The following DNAJB14 variants were observed in gnomAD, a reference collection of about 807,000 sequenced individuals.
The protein encoded by DNAJB14 is dnaJ homolog subfamily B member 14.
In DNAJB14, 22 loss-of-function variants were observed where a neutral mutation model predicts 48.4. The ratio of observed to expected loss-of-function variants is 0.45; its 90% CI spans 0.32 to 0.65. The LOEUF is 0.65. Among genes scored for constraint, DNAJB14 ranks in the 30% least tolerant of loss-of-function variants. The pLI is 0.03. For missense variants in DNAJB14, 319 were observed against 458.8 expected, an observed-to-expected ratio of 0.70 and a Z score of 2.78; for synonymous variants, 142 against 158.7, an observed-to-expected ratio of 0.89 and a Z score of 0.79.
At position 99,939,850 on chromosome 4, in the gene DNAJB14, GATTT is replaced by G. The variant is rs1319684965; in HGVS notation, c.133+6585_133+6588del. On this transcript the variant is annotated intron_variant, in intron 1 of 7. Transcript: ENST00000442697. ...AATTTAGAACACATTGGATCTTTTG[GATTT>G]ATTAAATGTCTTAGCTATCACATGG... Among the ~76,000 whole-genome samples, 4 of 152,296 alleles carry G rather than the reference GATTT, an allele frequency of 2.6e-5. No individual in the cohort carries two copies. In the East Asian group the frequency reaches 7.7e-4, roughly 29 times the overall value.
chr4:99,937,923 T>TAA (rs373465440), intron 1 of DNAJB14, among the ~76,000 whole-genome samples: 17 of 119,934 alleles, frequency 1.4e-4, no homozygotes, highest in East Asian at 2.4e-4. Flanking sequence ...TCTATTTATT[T>TAA]AAAAAAAAAA....
chr4:99,899,485 A>G lies in DNAJB14; in HGVS notation c.*1543T>C, dbSNP rs1371012880. 6.6e-6 allele frequency: 1 copy of G among 151,934 alleles called. No homozygotes were observed. Among genetic ancestry groups the G allele is most frequent in the East Asian group, 1.9e-4 (1 of 5,172 alleles). The allele number at this position is 151,934 out of a possible 1,614,324, so 9.4% of individuals were successfully genotyped here. A position where few individuals can be genotyped will look rare whatever the true frequency, so the allele number is the denominator to read the frequency against. On this transcript the variant is annotated 3_prime_UTR_variant, in exon 8 of 8. Transcript: ENST00000442697. ...GACAGTATGTTGTTTAGTTTAACCTACTAATTCAATCAGGCATTTCTATTG... is the reference window on the plus strand; with the variant it reads ...GACAGTATGTTGTTTAGTTTAACCTGCTAATTCAATCAGGCATTTCTATTG...
chr4:99,905,916 A>T, intron 5 of DNAJB14: 1 of 1,347,654 alleles, frequency 7.4e-7, no homozygotes, highest in Non-Finnish European at 9.7e-7. Context: ...ACACTGATAA[A>T]ATTTGATTTC....
At chr4:99,903,050 G>GT (rs1725347386) in intron 7 of DNAJB14, among the ~76,000 whole-genome samples, 1 of 152,182 alleles carries the variant, frequency 6.6e-6, no homozygotes, top group African/African-American at 2.4e-5. Flanking sequence ...ACTTTACTCA[G>GT]TTTAATTCCA....
intron 2 of DNAJB14, chr4:99,925,542 A>G (rs1726220716): frequency 6.6e-6 from 1 of 152,166 alleles, no homozygotes; most frequent in Admixed American, 6.6e-5. Flanking sequence ...CCAATCTTTG[A>G]ATGGTTAAGT....
rs746855973 is a variant in DNAJB14 at position 99,923,035 on chromosome 4, T to G, written c.451+5A>C. On this transcript the variant is annotated splice_donor_5th_base_variant and intron_variant, in intron 3 of 7. Coordinates refer to ENST00000442697, the MANE Select transcript of DNAJB14 (RefSeq NM_001031723.4). ...AGTAAAATTGCTTTAAAAGGTTTAC[T>G]TTACTTTTAAAAGCATCTGTTGCTC... 1.5e-5 allele frequency: 24 copies of G among 1,595,856 alleles called. No individual in the cohort carries two copies. The highest frequency in any genetic ancestry group is 2.0e-5 in the Non-Finnish European group (24 of 1,173,518).
At chr4:99,923,225 A>G in intron 2 of DNAJB14, 40 bp from the exon 3 acceptor site, 1 of 1,545,956 alleles carries the variant, frequency 6.5e-7, no homozygotes, top group Non-Finnish European at 8.8e-7. Context: ...AATTTCAAGG[A>G]AGACGGTCAT....
At chr4:99,907,550 T>C (rs1025603456) in intron 4 of DNAJB14, among the ~76,000 whole-genome samples, 13 of 151,978 alleles carry the variant, frequency 8.6e-5, no homozygotes, top group African/African-American at 3.1e-4. Context: ...ATGTGGTACA[T>C]GTCAGTAGTA....
chr4:99,912,005 T>C (rs1482714194), intron 3 of DNAJB14, among the ~76,000 whole-genome samples: 2 of 152,228 alleles, frequency 1.3e-5, no homozygotes, highest in Non-Finnish European at 2.9e-5. Flanking sequence ...TTGATTGTTA[T>C]GTTTTATATT....
intron 2 of DNAJB14, chr4:99,929,759 T>A (rs1364571846): frequency 6.6e-6 from 1 of 152,216 alleles, no homozygotes; most frequent in Non-Finnish European, 1.5e-5. Context: ...CTTGAATTAA[T>A]CTCTGTTCAA....
chr4:99,911,423 C>G (rs1042549846), intron 3 of DNAJB14, among the ~76,000 whole-genome samples: 1 of 152,118 alleles, frequency 6.6e-6, no homozygotes, highest in Non-Finnish European at 1.5e-5. Flanking sequence ...GAGTGCATTG[C>G]TGGGTTGTAT....
chr4:99,916,502 C>T (rs1725859637), intron 3 of DNAJB14, among the ~76,000 whole-genome samples: 1 of 152,152 alleles, frequency 6.6e-6, no homozygotes, highest in Admixed American at 6.5e-5. Context: ...AGGTCACTTA[C>T]ATGTAATGTA....
At chr4:99,920,416 C>T (rs986744473) in intron 3 of DNAJB14, among the ~76,000 whole-genome samples, 1 of 152,144 alleles carries the variant, frequency 6.6e-6, no homozygotes, top group Non-Finnish European at 1.5e-5. Flanking sequence ...GTCAAGCAAA[C>T]ACATAAACAA....
chr4:99,941,490 A>G (rs1350881255), intron 1 of DNAJB14, among the ~76,000 whole-genome samples: 1 of 152,190 alleles, frequency 6.6e-6, no homozygotes, highest in East Asian at 1.9e-4. Context: ...AAATATCCTC[A>G]CGATAAGCCT....
chr4:99,914,203 A>G (rs776038147), intron 3 of DNAJB14, among the ~76,000 whole-genome samples: 5 of 152,150 alleles, frequency 3.3e-5, no homozygotes, highest in Non-Finnish European at 5.9e-5. Flanking sequence ...ACCTCCCAAC[A>G]CTGCCACATT....
At position 99,919,497 on chromosome 4, in the gene DNAJB14, T is replaced by C. The variant is rs572296423; in HGVS notation, c.451+3543A>G. 7.9e-5 allele frequency among the ~76,000 whole-genome samples: 12 copies of C among 152,170 alleles called. No individual in the cohort carries two copies. In the South Asian group the frequency reaches 1.7e-3, roughly 21 times the overall value. On this transcript the variant is annotated intron_variant, in intron 3 of 7. Transcript: ENST00000442697. ...CTACTTGGAAGGCTGAGGCAGAGAA[T>C]TGCTTGAACCCGAGAGGCAGAGGTT...
intron 7 of DNAJB14, among the ~76,000 whole-genome samples, chr4:99,901,562 T>G (rs1402247125): frequency 6.6e-6 from 1 of 152,102 alleles, no homozygotes; most frequent in Non-Finnish European, 1.5e-5. Context: ...GACTTAAGTA[T>G]TTAATAAAAA....
intron 3 of DNAJB14, chr4:99,910,217 G>C (rs2110197571): frequency 6.6e-6 from 1 of 152,084 alleles, no homozygotes; most frequent in Middle Eastern, 3.4e-3. Context: ...TGAAAAATTA[G>C]GTGAATGATC....
In DNAJB14 at chr4:99,899,584, T is replaced by C. The variant is rs1402712215; in HGVS notation, c.*1444A>G. The C allele has an allele frequency of 6.6e-6, 1 of 152,222 alleles. No individual in the cohort carries two copies. Among genetic ancestry groups the C allele is most frequent in the Non-Finnish European group, 1.5e-5 (1 of 67,772 alleles). The allele number at this position is 152,222 out of a possible 1,614,324, so 9.4% of individuals were successfully genotyped here. ...TAGCAGTTTTATTCAACAGATGCCA[T>C]AAATTAACTACATTCAGGAAAAAAA... is the stretch of plus-strand genomic sequence containing the variant. On this transcript the variant is annotated 3_prime_UTR_variant, in exon 8 of 8. Coordinates refer to ENST00000442697, the MANE Select transcript of DNAJB14 (RefSeq NM_001031723.4).
Sources: allele counts gnomAD v4.1 joint callset (sites outside exome capture counted in the v4.1 genomes callset), GRCh38; gene constraint gnomAD v4.1.1; transcripts MANE v1.5; gene names NCBI Gene and HGNC (gene_info 2026-07-23, HGNC 2026-07-21).